Variants in GABRB2 observed in about 807,000 individuals in gnomAD.
GABRB2 encodes the protein gamma-aminobutyric acid type A receptor subunit beta2.
A neutral mutation model predicts 54.7 loss-of-function variants in GABRB2; 16 were observed. The observed-to-expected ratio is 0.29, with a 90% confidence interval of 0.20 to 0.44. The LOEUF is 0.44. Among genes scored for constraint, GABRB2 ranks in the 20% least tolerant of loss-of-function variants. The probability of loss-of-function intolerance (pLI) is 1.00; values close to 1 mark genes in which losing one functional copy is unlikely to be tolerated. For synonymous variants in GABRB2, 244 were observed against 233.8 expected (o/e 1.04, Z -0.40); for missense variants, 355 against 644.0 (o/e 0.55, Z 4.86).
At chr5:161,408,212 A>T (rs1174119683) in intron 5 of GABRB2, among the ~76,000 whole-genome samples, 1 of 152,068 alleles carries the variant, frequency 6.6e-6, no homozygotes, top group African/African-American at 2.4e-5. Context: ...TGCTCACTGG[A>T]GCACTTCAGA....
intron 3 of GABRB2, among the ~76,000 whole-genome samples, chr5:161,533,676 C>T (rs1183997749): frequency 6.6e-6 from 1 of 151,958 alleles, no homozygotes; most frequent in Non-Finnish European, 1.5e-5. Flanking sequence ...ACTAAGACTC[C>T]TTTCTTTGCA....
chr5:161,478,716 C>T (rs1168035206), intron 3 of GABRB2, among the ~76,000 whole-genome samples: 5 of 151,946 alleles, frequency 3.3e-5, no homozygotes, highest in African/African-American at 1.2e-4. Context: ...ATACAATGTG[C>T]CCTTCAGATA....
chr5:161,306,644 G>A (rs974181601), intron 9 of GABRB2, among the ~76,000 whole-genome samples: 25 of 152,160 alleles, frequency 1.6e-4, no homozygotes, highest in Non-Finnish European at 2.6e-4. Flanking sequence ...TGAATAGCAG[G>A]GGGCATGAGG....
intron 5 of GABRB2, among the ~76,000 whole-genome samples, chr5:161,358,214 G>A (rs1754697923): frequency 6.6e-6 from 1 of 152,144 alleles, no homozygotes; most frequent in Non-Finnish European, 1.5e-5. Context: ...AATGTATTAA[G>A]GAGTGGAGGC....
chr5:161,427,222 A>G (rs1040372113), intron 4 of GABRB2, among the ~76,000 whole-genome samples: 2 of 152,194 alleles, frequency 1.3e-5, no homozygotes, highest in Non-Finnish European at 1.5e-5. Flanking sequence ...CAGATGTAAT[A>G]ACAGTCTCCA....
At chr5:161,538,072 G>A (rs1225060185) in intron 3 of GABRB2, among the ~76,000 whole-genome samples, 3 of 151,948 alleles carry the variant, frequency 2.0e-5, no homozygotes, top group Admixed American at 6.6e-5. Context: ...ACCCCACATT[G>A]TGATTCTTTC....
intron 4 of GABRB2, among the ~76,000 whole-genome samples, chr5:161,426,743 T>C (rs544983468): frequency 8.6e-4 from 131 of 152,218 alleles, no homozygotes; most frequent in African/African-American, 3.1e-3. Context: ...AGGGTATAAA[T>C]ACTCATGTTG....
chr5:161,322,403 T>C (rs952840765), intron 9 of GABRB2, among the ~76,000 whole-genome samples: 1 of 152,062 alleles, frequency 6.6e-6, no homozygotes, highest in African/African-American at 2.4e-5. Context: ...ACCCAGATAA[T>C]TTTTGTACTT....
intron 4 of GABRB2, among the ~76,000 whole-genome samples, chr5:161,412,175 G>A (rs1042397196): frequency 2.0e-5 from 3 of 152,094 alleles, no homozygotes; most frequent in Admixed American, 6.5e-5. Flanking sequence ...CGTAACCCAG[G>A]TAGACTGAGC....
At position 161,345,453 on chromosome 5, in the gene GABRB2, C is replaced by A. The variant is rs188668273; in HGVS notation, c.542-8684G>T. ...ACTCCATCATTGTGGCTTCTACCTGCAGCCTCATTTTCTATTATTCTTATT... is the reference window on the plus strand; with the variant it reads ...ACTCCATCATTGTGGCTTCTACCTGAAGCCTCATTTTCTATTATTCTTATT... On this transcript the variant is annotated intron_variant, in intron 5 of 9. Transcript: ENST00000393959. Among the ~76,000 whole-genome samples the A allele has an allele frequency of 1.1e-4, 16 of 152,134 alleles. 1 individual carries two copies. The highest frequency in any genetic ancestry group is 8.5e-4 in the Admixed American group (13 of 15,250).
At chr5:161,476,598 G>A (rs1459268826) in intron 3 of GABRB2, among the ~76,000 whole-genome samples, 2 of 151,706 alleles carry the variant, frequency 1.3e-5, no homozygotes, top group Non-Finnish European at 2.9e-5. Flanking sequence ...ACAAATGTAT[G>A]GCCAATGGAA....
Position 161,289,655 on chromosome 5 carries a change from T to A in GABRB2, c.*4426A>T, listed in dbSNP as rs1757182576. ...ATAAAAAAGTCTATTAAGTTATCAA[T>A]GATCATTTTTGCTTTTCCCAATTGC... On this transcript the variant is annotated 3_prime_UTR_variant, in exon 10 of 10. Transcript: ENST00000393959. The A allele has an allele frequency of 6.6e-6, 1 of 152,148 alleles. No individual in the cohort carries two copies. Among genetic ancestry groups the A allele is most frequent in the Non-Finnish European group, 1.5e-5 (1 of 68,018 alleles). The allele number at this position is 152,148 out of a possible 1,614,324, so 9.4% of individuals were successfully genotyped here.
intron 3 of GABRB2, among the ~76,000 whole-genome samples, chr5:161,513,208 T>C (rs1759833768): frequency 6.6e-6 from 1 of 152,036 alleles, no homozygotes; most frequent in Non-Finnish European, 1.5e-5. Flanking sequence ...TTAAGCTACT[T>C]AACTACCTGA....
intron 4 of GABRB2, among the ~76,000 whole-genome samples, chr5:161,450,130 G>T (rs1406885105): frequency 6.6e-6 from 1 of 152,100 alleles, no homozygotes; most frequent in Non-Finnish European, 1.5e-5. Context: ...AGCGCAGCTG[G>T]CTTCTTCCCT....
intron 5 of GABRB2, among the ~76,000 whole-genome samples, chr5:161,369,444 A>G (rs924858204): frequency 6.6e-6 from 1 of 152,166 alleles, no homozygotes; most frequent in Non-Finnish European, 1.5e-5. Flanking sequence ...TTTTATAAAG[A>G]CGAAATTTAT....
chr5:161,398,257 T>C (rs1756066694), intron 5 of GABRB2, among the ~76,000 whole-genome samples: 1 of 152,210 alleles, frequency 6.6e-6, no homozygotes, highest in African/African-American at 2.4e-5. Context: ...TGGAGTAAAC[T>C]TTAGTGAAAT....
chr5:161,497,530 A>ATGTGTGTGTGTG lies in GABRB2; in HGVS notation c.238-37698_238-37687dup, dbSNP rs71587162. 4.3e-3 allele frequency among the ~76,000 whole-genome samples: 632 copies of ATGTGTGTGTGTG among 147,388 alleles called. 4 individuals are homozygous for ATGTGTGTGTGTG. The highest frequency in any genetic ancestry group is 0.013 in the African/African-American group (539 of 40,152). On this transcript the variant is annotated intron_variant, in intron 3 of 9. Coordinates refer to ENST00000393959, the MANE Select transcript of GABRB2 (RefSeq NM_001371727.1). ...ACTTTGTGTGTGTGAGTGTGTGTAT[A>ATGTGTGTGTGTG]TGTGTGTGTGTGTGTGTGTGTGTGT... is the stretch of plus-strand genomic sequence containing the variant.
intron 3 of GABRB2, among the ~76,000 whole-genome samples, chr5:161,525,944 G>A (rs143794485): frequency 3.2e-4 from 49 of 151,332 alleles, no homozygotes; most frequent in African/African-American, 9.2e-4. Flanking sequence ...GTATGACAAC[G>A]AAATATTGCA....
intron 5 of GABRB2, among the ~76,000 whole-genome samples, chr5:161,377,128 G>A (rs1035247918): frequency 6.6e-6 from 1 of 152,002 alleles, no homozygotes; most frequent in Non-Finnish European, 1.5e-5. Flanking sequence ...GTCATAATTG[G>A]CAAGCTTTAA....
Sources: allele counts gnomAD v4.1 joint callset (sites outside exome capture counted in the v4.1 genomes callset), GRCh38; gene constraint gnomAD v4.1.1; transcripts MANE v1.5; gene names NCBI Gene and HGNC (gene_info 2026-07-23, HGNC 2026-07-21).